The following ASIC2 variants were observed in gnomAD, a reference collection of about 807,000 sequenced individuals.
The protein encoded by ASIC2 is acid-sensing ion channel 2.
ASIC2 carries 25 observed loss-of-function variants against 57.3 expected under a neutral mutation model. The ratio of observed to expected loss-of-function variants is 0.44; its 90% CI spans 0.32 to 0.61. The LOEUF (loss-of-function observed/expected upper bound fraction) is 0.61. ASIC2 is among the 20% of genes least tolerant of loss of function. The pLI, the probability that ASIC2 is intolerant of heterozygous loss-of-function variation, is 0.06. For synonymous variants in ASIC2, 319 were observed against 307.5 expected (o/e 1.04, Z -0.39); for missense variants, 641 against 738.1 (o/e 0.87, Z 1.52).
At chr17:33,245,812 A>C (rs926882383) in intron 1 of ASIC2, among the ~76,000 whole-genome samples, 2 of 152,238 alleles carry the variant, frequency 1.3e-5, no homozygotes, top group African/African-American at 4.8e-5. Context: ...GCTAAGGCAG[A>C]TGCCAGAGTG....
intron 1 of ASIC2, among the ~76,000 whole-genome samples, chr17:33,808,179 C>G (rs2142151381): frequency 6.6e-6 from 1 of 152,310 alleles, no homozygotes; most frequent in African/African-American, 2.4e-5. Flanking sequence ...GCGCGTGATC[C>G]ATTTTGAGTT....
intron 1 of ASIC2, among the ~76,000 whole-genome samples, chr17:33,544,940 A>C (rs754706441): frequency 1.3e-5 from 2 of 152,008 alleles, no homozygotes; most frequent in Non-Finnish European, 2.9e-5. Flanking sequence ...TTTTTAAAAG[A>C]GTGCTCTGTT....
intron 1 of ASIC2, among the ~76,000 whole-genome samples, chr17:33,867,523 C>T (rs1914274352): frequency 1.3e-5 from 2 of 152,146 alleles, no homozygotes; most frequent in African/African-American, 2.4e-5. Context: ...GGCCCTTTTG[C>T]CAACCACAAG....
intron 1 of ASIC2, among the ~76,000 whole-genome samples, chr17:33,472,220 A>T (rs751849119): frequency 1.3e-5 from 2 of 151,910 alleles, no homozygotes; most frequent in African/African-American, 2.4e-5. Context: ...GGGTTTCATC[A>T]TGTTGGCCAG....
intron 1 of ASIC2, among the ~76,000 whole-genome samples, chr17:34,036,175 TG>T: frequency 6.6e-6 from 1 of 152,020 alleles, no homozygotes; most frequent in African/African-American, 2.4e-5. Context: ...ATACACACCA[TG>T]GAATACTATG....
intron 1 of ASIC2, among the ~76,000 whole-genome samples, chr17:33,460,456 T>G (rs1162274928): frequency 6.6e-6 from 1 of 152,090 alleles, no homozygotes; most frequent in Non-Finnish European, 1.5e-5. Flanking sequence ...GAGGCCAGAA[T>G]AGAGAGAACA....
chr17:34,135,122 T>G (rs73282465), intron 1 of ASIC2, among the ~76,000 whole-genome samples: 2,470 of 152,322 alleles, frequency 0.016, 74 homozygotes, highest in African/African-American at 0.057. Flanking sequence ...CTAGATAAGT[T>G]GGAAAGCTCT....
At chr17:33,159,795 T>C (rs1905110564) in intron 1 of ASIC2, among the ~76,000 whole-genome samples, 1 of 152,210 alleles carries the variant, frequency 6.6e-6, no homozygotes, top group African/African-American at 2.4e-5. Context: ...TTACTTAATC[T>C]TCTTGTGCCT....
intron 1 of ASIC2, among the ~76,000 whole-genome samples, chr17:33,817,637 T>C (rs1271376034): frequency 1.3e-5 from 2 of 152,210 alleles, no homozygotes; most frequent in Non-Finnish European, 2.9e-5. Flanking sequence ...CTCTGTCAAA[T>C]GGTTGCTACG....
At chr17:34,035,957 T>G (rs1478503685) in intron 1 of ASIC2, among the ~76,000 whole-genome samples, 1 of 151,776 alleles carries the variant, frequency 6.6e-6, no homozygotes, top group Non-Finnish European at 1.5e-5. Flanking sequence ...AGTTCAACCA[T>G]TGTGGAAGTC....
chr17:33,679,471 G>A lies in ASIC2; in HGVS notation c.555+476507C>T, dbSNP rs1369251883. Among the ~76,000 whole-genome samples, 20 of 152,120 alleles carry A rather than the reference G, an allele frequency of 1.3e-4. 1 individual carries two copies. The highest frequency in any genetic ancestry group is 1.3e-3 in the Admixed American group (20 of 15,262). On this transcript the variant is annotated intron_variant, in intron 1 of 9. Coordinates refer to the ASIC2 transcript ENST00000359872. ...CACTCATTCAGCAGGGATTTCTTGGGGGCCTACCTTGTACTGGGCTCTGTG... is the reference window on the plus strand; with the variant it reads ...CACTCATTCAGCAGGGATTTCTTGGAGGCCTACCTTGTACTGGGCTCTGTG...
intron 1 of ASIC2, among the ~76,000 whole-genome samples, chr17:33,389,296 C>T (rs1484521991): frequency 6.6e-6 from 1 of 152,182 alleles, no homozygotes; most frequent in Non-Finnish European, 1.5e-5. Flanking sequence ...ACAGATGGCA[C>T]AATGTATCCC....
At chr17:33,450,314 C>T (rs1912200396) in intron 1 of ASIC2, among the ~76,000 whole-genome samples, 1 of 152,168 alleles carries the variant, frequency 6.6e-6, no homozygotes, top group South Asian at 2.1e-4. Context: ...AATGCATTTT[C>T]CTCTTCTTTC....
Position 33,292,040 on chromosome 17 carries a change from C to A in ASIC2, c.76G>T (p.Glu26Ter). The change falls in exon 1 of 10, where the codon GAG becomes TAG. Residue 26 changes from glutamate to a stop codon, truncating the protein, a stop_gained. Coordinates refer to ENST00000225823, the MANE Select transcript of ASIC2 (RefSeq NM_183377.2). LOFTEE classifies it high-confidence loss of function. ...GCCGCCAACGCCGCGGGCGCCGGCT[C>A]CTCGCGGGCCATGCGGAAGCGTCCC... Reference protein sequence around the residue: ...GPGRFRMAREEPAPAALAAAG... With the variant: ...GPGRFRMARE 2.6e-6 allele frequency: 3 copies of A among 1,151,758 alleles called. No homozygotes were observed. The highest frequency in any genetic ancestry group is 3.2e-6 in the Non-Finnish European group (3 of 942,450). The allele number at this position is 1,151,758 out of a possible 1,614,324, so 71.3% of individuals were successfully genotyped here.
At chr17:33,225,673 C>T (rs1348044661) in intron 1 of ASIC2, among the ~76,000 whole-genome samples, 1 of 152,160 alleles carries the variant, frequency 6.6e-6, no homozygotes, top group Non-Finnish European at 1.5e-5. Context: ...GTCACCAGAT[C>T]AGTACAGCTC....
chr17:33,573,363 A>C (rs780380503), intron 1 of ASIC2, among the ~76,000 whole-genome samples: 1 of 152,186 alleles, frequency 6.6e-6, no homozygotes, highest in Admixed American at 6.5e-5. Flanking sequence ...GGCCCATCTC[A>C]GGAAATGAAA....
At chr17:33,952,807 T>C (rs750440403) in intron 1 of ASIC2, among the ~76,000 whole-genome samples, 22 of 152,168 alleles carry the variant, frequency 1.4e-4, no homozygotes, top group Non-Finnish European at 2.9e-4. Flanking sequence ...AAACAAACTA[T>C]GTAGGGTAAA....
intron 1 of ASIC2, among the ~76,000 whole-genome samples, chr17:34,138,513 G>A (rs1292540716): frequency 1.3e-5 from 2 of 152,144 alleles, no homozygotes; most frequent in East Asian, 3.9e-4. Context: ...AGATGAGAAG[G>A]GGCAGGCTAA....
chr17:33,356,118 C>T (rs982950286), intron 1 of ASIC2, among the ~76,000 whole-genome samples: 1 of 152,138 alleles, frequency 6.6e-6, no homozygotes, highest in African/African-American at 2.4e-5. Context: ...AACTCCACAT[C>T]ATTCACTGAT....
Sources: gnomAD v4.1 joint callset for allele counts (sites outside exome capture counted in the v4.1 genomes callset) on GRCh38, gnomAD v4.1.1 for gene constraint, MANE v1.5 for transcripts, NCBI Gene and HGNC (gene_info 2026-07-23, HGNC 2026-07-21) for gene names.